PARP8: variants seen among roughly 807,000 people sequenced by gnomAD.
PARP8 encodes poly(ADP-ribose) polymerase family member 8.
Under a neutral mutation model 124.1 loss-of-function variants are expected in PARP8, and 51 were observed. That is an observed-to-expected ratio of 0.41 (90% CI 0.33 to 0.52). PARP8 has a LOEUF of 0.52. PARP8 is among the 20% of genes least tolerant of loss of function. PARP8 has a pLI of 0.21. For synonymous variants in PARP8, 391 were observed against 361.5 expected (o/e 1.08, Z -0.93); for missense variants, 860 against 1,018.9 (o/e 0.84, Z 2.12).
intron 9 of PARP8, among the ~76,000 whole-genome samples, chr5:50,786,877 T>C (rs1219598617): frequency 6.6e-6 from 1 of 152,186 alleles, no homozygotes; most frequent in Non-Finnish European, 1.5e-5. Flanking sequence ...TTTATATCTT[T>C]AGTACATTCC....
chr5:50,784,252 A>G (rs6894201), intron 9 of PARP8, among the ~76,000 whole-genome samples: 2,113 of 152,278 alleles, frequency 0.014, 50 homozygotes, highest in African/African-American at 0.048. Flanking sequence ...ATCTGACAGT[A>G]TATCTGTGAG....
rs189812914 is a variant in PARP8 at position 50,672,879 on chromosome 5, G to A, written c.146+4754G>A. Reference sequence around the variant, plus strand: ...GGGTGAGGAGGGGGAGGGTGAAGAAGCAATGCTATCCCCTTAAAAAGGTTT... The same window carrying A: ...GGGTGAGGAGGGGGAGGGTGAAGAAACAATGCTATCCCCTTAAAAAGGTTT... On this transcript the variant is annotated intron_variant, in intron 2 of 25. Transcript: ENST00000281631. 1.1e-4 allele frequency among the ~76,000 whole-genome samples: 17 copies of A among 152,164 alleles called. No individual in the cohort carries two copies. The East Asian group carries it at 3.3e-3, about 29-fold the overall frequency.
At position 50,670,776 on chromosome 5, in the gene PARP8, C is replaced by T. The variant is rs114330011; in HGVS notation, c.146+2651C>T. Among the ~76,000 whole-genome samples the T allele has an allele frequency of 1.9e-3, 296 of 152,272 alleles. 3 individuals are homozygous for T. The highest frequency in any genetic ancestry group is 6.7e-3 in the African/African-American group (279 of 41,548). ...ACCTGTTCCATCACACTCCTGAGACCTCCTTCTTCTCCATTAGTGTTTTCA... is the reference window on the plus strand; with the variant it reads ...ACCTGTTCCATCACACTCCTGAGACTTCCTTCTTCTCCATTAGTGTTTTCA... On this transcript the variant is annotated intron_variant, in intron 2 of 25. Transcript: ENST00000281631.
chr5:50,702,478 ATG>A (rs1231229781), intron 2 of PARP8, among the ~76,000 whole-genome samples: 1 of 152,176 alleles, frequency 6.6e-6, no homozygotes, highest in African/African-American at 2.4e-5. Context: ...TCATTTTGAT[ATG>A]TGATTTTCTA....
Position 50,666,747 on chromosome 5 carries a change from G to C in PARP8, c.-349G>C. ...CGGTGATTGCTCTCTGGCTGTCCCC[G>C]GCACCTCGGCCCCCACGGCCGTTGG... On this transcript the variant is annotated 5_prime_UTR_variant, in exon 1 of 26. Transcript: ENST00000281631. 2 of 558,044 alleles carry C rather than the reference G, an allele frequency of 3.6e-6. No homozygotes were observed. Among genetic ancestry groups the C allele is most frequent in the South Asian group, 7.4e-5 (2 of 27,140 alleles). 34.6% of individuals were successfully genotyped at this position (558,044 alleles called of 1,614,324 possible).
intron 15 of PARP8, among the ~76,000 whole-genome samples, chr5:50,816,848 T>C (rs1408226677): frequency 6.6e-6 from 1 of 152,136 alleles, no homozygotes; most frequent in Non-Finnish European, 1.5e-5. Context: ...CCTTCTTTTT[T>C]AAATGTGAAA....
intron 5 of PARP8, among the ~76,000 whole-genome samples, chr5:50,760,691 A>C (rs1232116053): frequency 2.0e-5 from 3 of 152,246 alleles, no homozygotes; most frequent in Admixed American, 2.0e-4. Flanking sequence ...ACGTGGCTAT[A>C]CATAATTTTG....
rs4029424 is a variant in PARP8 at position 50,759,622 on chromosome 5, C to CTTTTT, written c.185-9_185-5dup. ...TTTTTAAACTTATGCCTTTCATTAT[C>CTTTTT]TTTTTTTTTTTTTTTTGCAGATAAT... On this transcript the variant is annotated intron_variant, in intron 3 of 25. Coordinates refer to ENST00000281631, the MANE Select transcript of PARP8 (RefSeq NM_024615.4). 4.4e-4 allele frequency: 580 copies of CTTTTT among 1,326,512 alleles called. 3 individuals carry two copies. The highest frequency in any genetic ancestry group is 1.7e-3 in the South Asian group (99 of 58,070). 82.2% of individuals were successfully genotyped at this position (1,326,512 alleles called of 1,614,324 possible).
At chr5:50,696,977 A>C (rs1159909952) in intron 2 of PARP8, among the ~76,000 whole-genome samples, 2 of 152,150 alleles carry the variant, frequency 1.3e-5, no homozygotes, top group Non-Finnish European at 2.9e-5. Context: ...CATTAAGAAG[A>C]ATGAGTCTGT....
chr5:50,766,901 CA>C (rs1307642819), intron 7 of PARP8, among the ~76,000 whole-genome samples: 1 of 152,172 alleles, frequency 6.6e-6, no homozygotes, highest in Admixed American at 6.5e-5. Context: ...ATGCATACCT[CA>C]GAATGCACTG....
At chr5:50,683,061 A>G (rs1340143359) in intron 2 of PARP8, among the ~76,000 whole-genome samples, 1 of 152,128 alleles carries the variant, frequency 6.6e-6, no homozygotes, top group Non-Finnish European at 1.5e-5. Context: ...AGAATGGTAG[A>G]GTACAGATTA....
chr5:50,756,981 T>A (rs1043901321), intron 3 of PARP8: 7 of 326,118 alleles, frequency 2.1e-5, no homozygotes, highest in Non-Finnish European at 4.3e-5. Flanking sequence ...TGTTCATCCA[T>A]GTTGTTGCAG....
intron 10 of PARP8, among the ~76,000 whole-genome samples, chr5:50,793,192 A>G (rs1742156992): frequency 6.6e-6 from 1 of 152,208 alleles, no homozygotes. Context: ...TAAGTGGGAA[A>G]CAAATATTGG....
intron 2 of PARP8, among the ~76,000 whole-genome samples, chr5:50,730,555 C>T (rs1423830523): frequency 6.6e-6 from 1 of 152,168 alleles, no homozygotes; most frequent in African/African-American, 2.4e-5. Flanking sequence ...CCTCCTATGA[C>T]ACGTGGAGAT....
At chr5:50,789,818 A>T (rs1264034868) in intron 10 of PARP8, among the ~76,000 whole-genome samples, 1 of 152,236 alleles carries the variant, frequency 6.6e-6, no homozygotes, top group African/African-American at 2.4e-5. Flanking sequence ...TAGGCCTTTC[A>T]TAATGATGCA....
chr5:50,833,923 T>G (rs1384341649), intron 23 of PARP8, 56 bp from the exon 24 acceptor site: 3 of 1,469,134 alleles, frequency 2.0e-6, no homozygotes, highest in South Asian at 1.1e-5. Flanking sequence ...GATGAACAGC[T>G]TTTTTCACAA....
At chr5:50,791,975 G>T (rs946728378) in intron 10 of PARP8, among the ~76,000 whole-genome samples, 8 of 152,080 alleles carry the variant, frequency 5.3e-5, no homozygotes, top group Non-Finnish European at 7.4e-5. Flanking sequence ...AATACTGACT[G>T]CTCTAGTGCA....
chr5:50,832,867 CT>C lies in PARP8; in HGVS notation c.2307+16del, dbSNP rs778944030. 1 of 1,611,274 alleles carries C rather than the reference CT, an allele frequency of 6.2e-7. No individual in the cohort carries two copies. Among genetic ancestry groups the C allele is most frequent in the Non-Finnish European group, 8.5e-7 (1 of 1,177,832 alleles). On this transcript the variant is annotated intron_variant, in intron 23 of 25. Coordinates refer to ENST00000281631, the MANE Select transcript of PARP8 (RefSeq NM_024615.4). Reference sequence around the variant, plus strand: ...CAATACATCACAGGTGTTGTAGTGACTTTAGTGACTGCTTATGATTAGTGAA... The same window carrying C: ...CAATACATCACAGGTGTTGTAGTGACTTAGTGACTGCTTATGATTAGTGAA...
rs71612380 is a variant in PARP8 at position 50,769,278 on chromosome 5, A to AT, written c.518+6047dup. Among the ~76,000 whole-genome samples, 1,238 of 147,852 alleles carry AT rather than the reference A, an allele frequency of 8.4e-3. 10 individuals are homozygous for AT. Among genetic ancestry groups the AT allele is most frequent in the East Asian group, 0.041 (206 of 5,074 alleles). Reference sequence around the variant, plus strand: ...ACAGTTGTAGATAAGGGTCGTACTGATTTTTTTTTTTAATCTTCCTGCCTG... The same window carrying AT: ...ACAGTTGTAGATAAGGGTCGTACTGATTTTTTTTTTTTAATCTTCCTGCCTG... On this transcript the variant is annotated intron_variant, in intron 7 of 25. Coordinates refer to ENST00000281631, the MANE Select transcript of PARP8 (RefSeq NM_024615.4).
Sources: allele counts gnomAD v4.1 joint callset (sites outside exome capture counted in the v4.1 genomes callset), GRCh38; gene constraint gnomAD v4.1.1; transcripts MANE v1.5; gene names NCBI Gene and HGNC (gene_info 2026-07-23, HGNC 2026-07-21).